SCN3A: variants seen among roughly 807,000 people sequenced by gnomAD.
The protein encoded by SCN3A is sodium channel protein type 3 subunit alpha.
A neutral mutation model predicts 187.6 loss-of-function variants in SCN3A; 60 were observed. The ratio of observed to expected loss-of-function variants is 0.32; its 90% CI spans 0.26 to 0.40. The LOEUF (loss-of-function observed/expected upper bound fraction) is 0.40. Among genes scored for constraint, SCN3A ranks in the 10% least tolerant of loss-of-function variants. SCN3A has a pLI of 1.00. For missense variants in SCN3A, 1,601 were observed against 2,428.2 expected (o/e 0.66, Z 7.16); for synonymous variants, 788 against 829.2 (o/e 0.95, Z 0.85).
chr2:165,105,487 C>A (rs1042827604), intron 21 of SCN3A, among the ~76,000 whole-genome samples: 1 of 152,142 alleles, frequency 6.6e-6, no homozygotes, highest in Non-Finnish European at 1.5e-5. Context: ...TATTTCCTAT[C>A]TGCTGAGTAG....
At chr2:165,190,710 A>C (rs1417242294) in intron 1 of SCN3A, among the ~76,000 whole-genome samples, 1 of 150,750 alleles carries the variant, frequency 6.6e-6, no homozygotes, top group African/African-American at 2.4e-5. Context: ...ATTCTTTAGC[A>C]TGATTCTATA....
chr2:165,141,687 T>G (rs1264404065), intron 12 of SCN3A, among the ~76,000 whole-genome samples: 2 of 152,180 alleles, frequency 1.3e-5, no homozygotes, highest in Admixed American at 1.3e-4. Context: ...TCACCTTATT[T>G]GAGAGACTAT....
At chr2:165,150,680 G>A (rs969156552) in intron 11 of SCN3A, among the ~76,000 whole-genome samples, 1 of 152,040 alleles carries the variant, frequency 6.6e-6, no homozygotes, top group Non-Finnish European at 1.5e-5. Context: ...AATAGTGCAT[G>A]TTTATTTCTA....
At position 165,140,592 on chromosome 2, in the gene SCN3A, G is replaced by T; in HGVS notation, c.2019+59C>A. On this transcript the variant is annotated intron_variant, in intron 13 of 27. Transcript: ENST00000283254. This position sits in a 1 kb window ranked among gnomAD's most constrained non-coding sequence, Gnocchi z 4.2. ...CGGTATGACAGCCTAAACTGTCCAG[G>T]CTTTGATTATTTCAAATTGGTGAAT... is the stretch of plus-strand genomic sequence containing the variant. The T allele has an allele frequency of 2.0e-6, 3 of 1,480,444 alleles. No homozygotes were observed. The highest frequency in any genetic ancestry group is 2.8e-6 in the Non-Finnish European group (3 of 1,058,634). 91.7% of individuals were successfully genotyped at this position (1,480,444 alleles called of 1,614,324 possible). A position where few individuals can be genotyped will look rare whatever the true frequency, so the allele number is the denominator to read the frequency against.
chr2:165,161,976 G>T (rs559914280), intron 9 of SCN3A, among the ~76,000 whole-genome samples: 1 of 152,112 alleles, frequency 6.6e-6, no homozygotes, highest in Non-Finnish European at 1.5e-5. Context: ...CAATAAAAAG[G>T]GGCCCATCTT....
chr2:165,138,566 T>C (rs1687808081), intron 14 of SCN3A, among the ~76,000 whole-genome samples: 1 of 152,202 alleles, frequency 6.6e-6, no homozygotes, highest in Non-Finnish European at 1.5e-5. Context: ...ATAGTTTCCA[T>C]ATCAACATTA....
chr2:165,119,389 T>A (rs565106868), intron 18 of SCN3A, among the ~76,000 whole-genome samples: 17 of 152,342 alleles, frequency 1.1e-4, no homozygotes, highest in African/African-American at 4.1e-4. Flanking sequence ...CTTATTAAAT[T>A]ACATCAGCTT....
chr2:165,191,060 GTTT>G (rs58901959), intron 1 of SCN3A, among the ~76,000 whole-genome samples: 6 of 113,502 alleles, frequency 5.3e-5, no homozygotes, highest in Non-Finnish European at 8.8e-5. Context: ...ATTTTACGTT[GTTT>G]TTTTTTTTTT....
intron 21 of SCN3A, among the ~76,000 whole-genome samples, chr2:165,112,197 T>A (rs1686153104): frequency 6.6e-6 from 1 of 152,194 alleles, no homozygotes; most frequent in South Asian, 2.1e-4. Flanking sequence ...CCAGTGCCTC[T>A]CCGTCACTTG....
At chr2:165,147,139 T>C in intron 11 of SCN3A, 110 bp from the exon 12 acceptor site, 1 of 1,189,076 alleles carries the variant, frequency 8.4e-7, no homozygotes, top group African/African-American at 1.5e-5. Flanking sequence ...GAAAAGTCTA[T>C]CCTCTAGTCC....
Position 165,112,878 on chromosome 2 carries a change from T to A in SCN3A, c.3843+7A>T, listed in dbSNP as rs1446381946. The A allele has an allele frequency of 6.2e-7, 1 of 1,611,680 alleles. No homozygotes were observed. Among genetic ancestry groups the A allele is most frequent in the Non-Finnish European group, 8.5e-7 (1 of 1,178,674 alleles). On this transcript the variant is annotated splice_region_variant and intron_variant, in intron 21 of 27. Coordinates refer to ENST00000283254, the MANE Select transcript of SCN3A (RefSeq NM_006922.4). ...ACAATTTTATAAAAATCACTTAAAA[T>A]ACTTACATCAACGATCAAGAAATCT...
intron 15 of SCN3A, among the ~76,000 whole-genome samples, chr2:165,132,782 G>A (rs889656065): frequency 6.6e-6 from 1 of 152,134 alleles, no homozygotes; most frequent in South Asian, 2.1e-4. Context: ...TTGACAAATG[G>A]GATCTAATTA....
chr2:165,170,062 A>G (rs1287121060), intron 4 of SCN3A, among the ~76,000 whole-genome samples: 4 of 151,934 alleles, frequency 2.6e-5, no homozygotes, highest in Non-Finnish European at 4.4e-5. Context: ...GAAACAATTA[A>G]GGCGTAAAAG....
At chr2:165,136,616 G>A (rs1687682003) in intron 15 of SCN3A, among the ~76,000 whole-genome samples, 1 of 152,188 alleles carries the variant, frequency 6.6e-6, no homozygotes, top group Non-Finnish European at 1.5e-5. Context: ...CCACTCCACT[G>A]CAAAGTCTGT....
intron 9 of SCN3A, among the ~76,000 whole-genome samples, chr2:165,160,709 C>T (rs1424267453): frequency 6.6e-6 from 1 of 151,892 alleles, no homozygotes; most frequent in Non-Finnish European, 1.5e-5. Context: ...GGTGCCATCT[C>T]AGCTCACTGC....
chr2:165,146,783 C>T lies in SCN3A; in HGVS notation c.1627G>A (p.Gly543Arg). 2 of 1,613,986 alleles carry T rather than the reference C, an allele frequency of 1.2e-6. No homozygotes were observed. The highest frequency in any genetic ancestry group is 1.6e-4 in the Middle Eastern group (1 of 6,062). Reference protein sequence around the residue: ...KRSSFLFSMDGNRLTSDKKFC... With the variant: ...KRSSFLFSMDRNRLTSDKKFC... ...TTTTTGTCACTGGTCAGTCTGTTTC[C>T]ATCCATGGAGAAAAGGAAGCTGCTT... The change falls in exon 12 of 28, where the codon GGA (glycine) becomes AGA (arginine). Residue 543 changes from glycine to arginine, a missense_variant. By Grantham distance (125) the Gly-to-Arg change is moderately radical. Around this residue, in one of 11 missense-constraint regions of SCN3A, gnomAD observed 376 missense variants for 476.0 expected, o/e 0.79. Transcript: ENST00000283254.
At position 165,146,773 on chromosome 2, in the gene SCN3A, A is replaced by G; in HGVS notation, c.1637T>C (p.Leu546Pro). 6.2e-7 allele frequency: 1 copy of G among 1,614,060 alleles called. No individual in the cohort carries two copies. Among genetic ancestry groups the G allele is most frequent in the Non-Finnish European group, 8.5e-7 (1 of 1,179,956 alleles). ...SFLFSMDGNR[L>P]TSDKKFCSPH... ...GGAGCAGAATTTTTTGTCACTGGTC[A>G]GTCTGTTTCCATCCATGGAGAAAAG... The change falls in exon 12 of 28, where the codon CTG (leucine) becomes CCG (proline). Residue 546 changes from leucine (L) to proline (P), a missense_variant. Coordinates refer to ENST00000283254, the MANE Select transcript of SCN3A (RefSeq NM_006922.4).
At chr2:165,149,668 T>G (rs1688577807) in intron 11 of SCN3A, among the ~76,000 whole-genome samples, 1 of 152,236 alleles carries the variant, frequency 6.6e-6, no homozygotes, top group African/African-American at 2.4e-5. Context: ...AGATGTTTCC[T>G]GTCATCTCTC....
chr2:165,200,920 C>A (rs1425235347), intron 1 of SCN3A, among the ~76,000 whole-genome samples: 3 of 152,060 alleles, frequency 2.0e-5, no homozygotes, highest in Non-Finnish European at 2.9e-5. Context: ...TCTTATTGTA[C>A]CGTTAATAGA....
Sources: gnomAD v4.1 joint callset for allele counts (sites outside exome capture counted in the v4.1 genomes callset) on GRCh38, gnomAD v4.1.1 for gene constraint, gnomAD v4.1.1 regional missense constraint, Gnocchi (gnomAD v3.1) non-coding constraint, MANE v1.5 for transcripts, NCBI Gene and HGNC (gene_info 2026-07-23, HGNC 2026-07-21) for gene names.